Variants in KCNIP4 observed in about 807,000 individuals in gnomAD.
The protein encoded by KCNIP4 is potassium voltage-gated channel interacting protein 4, also known as Kv channel-interacting protein 4.
Under a neutral mutation model 34.0 loss-of-function variants are expected in KCNIP4, and 12 were observed. The observed-to-expected ratio is 0.35, with a 90% CI of 0.23 to 0.57. KCNIP4 has a LOEUF of 0.57. KCNIP4 is among the 20% of genes least tolerant of loss of function. The pLI is 0.83. For synonymous variants in KCNIP4, 124 were observed against 102.2 expected (o/e 1.21, Z -1.29); for missense variants, 238 against 311.7 (o/e 0.76, Z 1.78).
At chr4:21,931,912 C>T (rs1729591148) in intron 1 of KCNIP4, among the ~76,000 whole-genome samples, 1 of 152,046 alleles carries the variant, frequency 6.6e-6, no homozygotes, top group South Asian at 2.1e-4. Context: ...AAAAGTGTTC[C>T]TATTTCTCCA....
chr4:20,960,390 G>A (rs1232912557), intron 1 of KCNIP4, among the ~76,000 whole-genome samples: 1 of 152,210 alleles, frequency 6.6e-6, no homozygotes, highest in Non-Finnish European at 1.5e-5. Context: ...ATTAGGCACA[G>A]CCAGGAAAGC....
chr4:20,869,421 T>C lies in KCNIP4; in HGVS notation c.163+13187A>G, dbSNP rs145707662. On this transcript the variant is annotated intron_variant, in intron 2 of 8. Coordinates refer to ENST00000382152, the MANE Select transcript of KCNIP4 (RefSeq NM_025221.6). The stretch of plus-strand genomic sequence containing the variant: ...CATTAAATGAGATGGTATATGTGTC[T>C]GGCACATAGTAAACATTCAATTAAT... Among the ~76,000 whole-genome samples, 9 of 152,054 alleles carry C rather than the reference T, an allele frequency of 5.9e-5. No individual in the cohort carries two copies. In the East Asian group the frequency reaches 1.5e-3, roughly 26 times the overall value.
rs1021142239 is a variant in KCNIP4 at position 21,144,407 on chromosome 4, G to C, written c.62-261698C>G. Among the ~76,000 whole-genome samples, 6 of 152,314 alleles carry C rather than the reference G, an allele frequency of 3.9e-5. No homozygotes were observed. The East Asian group carries it at 9.6e-4, about 24-fold the overall frequency. On this transcript the variant is annotated intron_variant, in intron 1 of 8. Transcript: ENST00000382152. ...TTCTAAAATTTACAGGGCAAGGACT[G>C]TTTATTCATCCCAGAGTTTATGTCA... is the stretch of plus-strand genomic sequence containing the variant.
At chr4:21,728,141 T>C (rs891360384) in intron 1 of KCNIP4, among the ~76,000 whole-genome samples, 2 of 152,080 alleles carry the variant, frequency 1.3e-5, no homozygotes, top group African/African-American at 4.8e-5. Flanking sequence ...CAAATTTAAA[T>C]CTCCAGCCTG....
intron 1 of KCNIP4, among the ~76,000 whole-genome samples, chr4:21,258,302 C>T (rs1419888230): frequency 6.6e-6 from 1 of 152,172 alleles, no homozygotes; most frequent in Non-Finnish European, 1.5e-5. Context: ...ACCGAGTAAA[C>T]AGTAGGTGCT....
chr4:21,180,325 T>C (rs1041668577), intron 1 of KCNIP4, among the ~76,000 whole-genome samples: 9 of 152,272 alleles, frequency 5.9e-5, no homozygotes, highest in Non-Finnish European at 1.2e-4. Flanking sequence ...TAGTTTTTCA[T>C]TGATGTTGCT....
chr4:21,660,496 C>T (rs1748356517), intron 1 of KCNIP4, among the ~76,000 whole-genome samples: 1 of 151,962 alleles, frequency 6.6e-6, no homozygotes, highest in African/African-American at 2.4e-5. Context: ...TCAAATCTTC[C>T]CTGAAGTTGT....
chr4:21,880,126 T>C (rs936012125), intron 1 of KCNIP4, among the ~76,000 whole-genome samples: 1 of 152,160 alleles, frequency 6.6e-6, no homozygotes, highest in Non-Finnish European at 1.5e-5. Context: ...CTATGTATAG[T>C]TGACTGTCTT....
At chr4:21,463,012 T>C (rs528673546) in intron 1 of KCNIP4, among the ~76,000 whole-genome samples, 2 of 152,196 alleles carry the variant, frequency 1.3e-5, no homozygotes, top group Non-Finnish European at 2.9e-5. Context: ...ACTGATTTCA[T>C]TTCCTTTGGA....
At chr4:21,334,388 T>G (rs1252964251) in intron 1 of KCNIP4, among the ~76,000 whole-genome samples, 1 of 152,086 alleles carries the variant, frequency 6.6e-6, no homozygotes, top group Non-Finnish European at 1.5e-5. Flanking sequence ...TATGATACTC[T>G]GGGTGTTGAG....
intron 1 of KCNIP4, among the ~76,000 whole-genome samples, chr4:21,377,973 G>A (rs537841537): frequency 2.6e-5 from 4 of 152,208 alleles, no homozygotes; most frequent in South Asian, 2.1e-4. Context: ...TGGTGGTGGC[G>A]GGTACTTGCT....
At chr4:21,340,998 T>G (rs182511113) in intron 1 of KCNIP4, among the ~76,000 whole-genome samples, 1 of 152,244 alleles carries the variant, frequency 6.6e-6, no homozygotes, top group Non-Finnish European at 1.5e-5. Context: ...AAATTAGTTT[T>G]GTGGATGGAT....
intron 1 of KCNIP4, among the ~76,000 whole-genome samples, chr4:21,165,862 G>T (rs1173352150): frequency 6.6e-6 from 1 of 152,172 alleles, no homozygotes; most frequent in African/African-American, 2.4e-5. Flanking sequence ...TTTAAGAGAT[G>T]ACTTGGCCAT....
At chr4:21,068,572 C>G (rs2108990682) in intron 1 of KCNIP4, among the ~76,000 whole-genome samples, 1 of 152,210 alleles carries the variant, frequency 6.6e-6, no homozygotes. Context: ...CACTGATTGT[C>G]TTTGTGTGGA....
intron 1 of KCNIP4, chr4:21,303,938 C>T (rs1302849759): frequency 6.2e-7 from 1 of 1,610,612 alleles, no homozygotes; most frequent in Non-Finnish European, 8.5e-7. Context: ...ACCACAGCCA[C>T]TGAGAAGTGC....
chr4:21,402,938 A>G (rs1723666250), intron 1 of KCNIP4, among the ~76,000 whole-genome samples: 1 of 151,880 alleles, frequency 6.6e-6, no homozygotes, highest in Non-Finnish European at 1.5e-5. Context: ...TATGTTCTTT[A>G]TAATTAAGTT....
At chr4:21,116,818 C>G (rs1385718960) in intron 1 of KCNIP4, among the ~76,000 whole-genome samples, 2 of 152,174 alleles carry the variant, frequency 1.3e-5, no homozygotes, top group Non-Finnish European at 2.9e-5. Context: ...TACTTTCTTT[C>G]TTTTTCTTCC....
chr4:20,880,462 T>C (rs1345675615), intron 2 of KCNIP4, among the ~76,000 whole-genome samples: 2 of 152,104 alleles, frequency 1.3e-5, no homozygotes, highest in Non-Finnish European at 2.9e-5. Context: ...ATTCTGATCA[T>C]TTTTTTAGTA....
chr4:21,208,035 G>A (rs979712438), intron 1 of KCNIP4, among the ~76,000 whole-genome samples: 1 of 151,606 alleles, frequency 6.6e-6, no homozygotes, highest in Non-Finnish European at 1.5e-5. Context: ...TAGATACGGG[G>A]TTGTGCCATG....
Sources: allele counts gnomAD v4.1 joint callset (sites outside exome capture counted in the v4.1 genomes callset), GRCh38; gene constraint gnomAD v4.1.1; transcripts MANE v1.5; gene names NCBI Gene and HGNC (gene_info 2026-07-23, HGNC 2026-07-21).